Variants in SDK1 observed in about 807,000 individuals in gnomAD.
SDK1 encodes the protein protein sidekick-1.
In SDK1, 157 loss-of-function variants were observed where a neutral mutation model predicts 245.5. That is an observed-to-expected ratio of 0.64 (90% confidence interval 0.56 to 0.73). The LOEUF (loss-of-function observed/expected upper bound fraction) is 0.73, where lower values mean the gene tolerates loss of function less well. SDK1 is among the 30% of genes least tolerant of loss of function. The pLI, the probability that SDK1 is intolerant of heterozygous loss-of-function variation, is 0.00. For missense variants in SDK1, 3,583 were observed against 3,002.3 expected, an observed-to-expected ratio of 1.19 and a Z score of -4.52; for synonymous variants, 1,647 against 1,278.5, an observed-to-expected ratio of 1.29 and a Z score of -6.15.
rs540340724 is a variant in SDK1, at chr7:3,987,406, G to T, written c.2131+84G>T. ...TAATGTCCTTAACCTTTACTTCTGG[G>T]TCAGACCCAAAACAACTACTAAAAT... On this transcript the variant is annotated intron_variant, in intron 14 of 44. Transcript: ENST00000404826. 2.8e-6 allele frequency: 4 copies of T among 1,425,536 alleles called. No homozygotes were observed. In the South Asian group the frequency reaches 3.7e-5, roughly 13 times the overall value. 88.3% of individuals were successfully genotyped at this position (1,425,536 alleles called of 1,614,324 possible).
intron 21 of SDK1, among the ~76,000 whole-genome samples, chr7:4,077,872 G>C (rs1780796636): frequency 6.6e-6 from 1 of 152,192 alleles, no homozygotes; most frequent in Admixed American, 6.5e-5. Flanking sequence ...TGGGGACACA[G>C]CCAAACCATA....
chr7:3,574,657 A>G (rs1176222675), intron 1 of SDK1, among the ~76,000 whole-genome samples: 1 of 152,076 alleles, frequency 6.6e-6, no homozygotes, highest in Non-Finnish European at 1.5e-5. Context: ...CTCCACGCAT[A>G]CATTTTATGC....
At chr7:3,497,349 T>C (rs911862005) in intron 1 of SDK1, among the ~76,000 whole-genome samples, 2 of 152,206 alleles carry the variant, frequency 1.3e-5, no homozygotes, top group East Asian at 1.9e-4. Context: ...TTGTGGGAAA[T>C]GTCAAGCTAT....
chr7:4,215,813 G>C (rs1443229508), intron 38 of SDK1, among the ~76,000 whole-genome samples: 1 of 152,156 alleles, frequency 6.6e-6, no homozygotes, highest in Non-Finnish European at 1.5e-5. Flanking sequence ...TTGGGGTCCT[G>C]ACTATCGGCT....
intron 1 of SDK1, among the ~76,000 whole-genome samples, chr7:3,376,886 C>A (rs1010319078): frequency 6.6e-6 from 1 of 152,080 alleles, no homozygotes; most frequent in Non-Finnish European, 1.5e-5. Context: ...TCTATTGTCT[C>A]TCTTTCCAGT....
intron 4 of SDK1, chr7:3,643,315 C>A (rs1320295398): frequency 2.0e-5 from 3 of 151,692 alleles, no homozygotes; most frequent in African/African-American, 7.3e-5. Context: ...TCATCTCCCA[C>A]CCCTACCTGA....
At chr7:3,728,881 C>T (rs913039942) in intron 4 of SDK1, among the ~76,000 whole-genome samples, 14 of 152,054 alleles carry the variant, frequency 9.2e-5, no homozygotes, top group African/African-American at 3.1e-4. Flanking sequence ...GCTGTGGGTC[C>T]GTGAGCCACC....
At chr7:4,040,404 C>T (rs1240129818) in intron 17 of SDK1, among the ~76,000 whole-genome samples, 1 of 152,130 alleles carries the variant, frequency 6.6e-6, no homozygotes, top group Non-Finnish European at 1.5e-5. Context: ...ACACACAAGT[C>T]GAACCACATT....
chr7:3,328,446 T>C (rs1357339384), intron 1 of SDK1, among the ~76,000 whole-genome samples: 2 of 152,032 alleles, frequency 1.3e-5, no homozygotes, highest in African/African-American at 4.8e-5. Flanking sequence ...CTGGGTTGCT[T>C]GTATTAGTGT....
chr7:3,937,416 C>T (rs545653781), intron 5 of SDK1, among the ~76,000 whole-genome samples: 11 of 152,152 alleles, frequency 7.2e-5, no homozygotes, highest in African/African-American at 2.4e-5. Context: ...AAAGGCCATG[C>T]GGCAGAACCA....
chr7:3,890,756 A>G (rs1470443991), intron 5 of SDK1, among the ~76,000 whole-genome samples: 4 of 152,192 alleles, frequency 2.6e-5, no homozygotes, highest in Non-Finnish European at 5.9e-5. Context: ...AGCCTGGGCA[A>G]CATGGTGAAA....
intron 1 of SDK1, among the ~76,000 whole-genome samples, chr7:3,408,231 A>G (rs897224152): frequency 4.6e-5 from 7 of 151,552 alleles, no homozygotes; most frequent in African/African-American, 1.7e-4. Flanking sequence ...TTTAGTAGAG[A>G]TGGGGTTTCA....
At chr7:3,883,718 C>T (rs933960129) in intron 5 of SDK1, among the ~76,000 whole-genome samples, 1 of 146,632 alleles carries the variant, frequency 6.8e-6, no homozygotes, top group Non-Finnish European at 1.5e-5. Context: ...CCCTCCCTCC[C>T]ATTGTCTAGC....
At chr7:4,087,831 A>T (rs1242300506) in intron 22 of SDK1, among the ~76,000 whole-genome samples, 1 of 152,132 alleles carries the variant, frequency 6.6e-6, no homozygotes, top group South Asian at 2.1e-4. Context: ...CTGAATTTCC[A>T]TCTGGAGAAT....
chr7:3,684,266 C>G (rs1465827536), intron 4 of SDK1, among the ~76,000 whole-genome samples: 1 of 152,224 alleles, frequency 6.6e-6, no homozygotes, highest in African/African-American at 2.4e-5. Context: ...TCACCCCACA[C>G]ACCCTTTCAG....
chr7:3,587,944 A>G (rs1780744379), intron 1 of SDK1, among the ~76,000 whole-genome samples: 1 of 152,252 alleles, frequency 6.6e-6, no homozygotes, highest in African/African-American at 2.4e-5. Flanking sequence ...TGGATGGTTC[A>G]TTGATCCAAT....
At chr7:3,792,973 C>T (rs969787860) in intron 4 of SDK1, among the ~76,000 whole-genome samples, 1 of 152,146 alleles carries the variant, frequency 6.6e-6, no homozygotes, top group Non-Finnish European at 1.5e-5. Context: ...TAACTCAAGC[C>T]TTTCACATAA....
At chr7:3,576,462 C>A (rs1443583468) in intron 1 of SDK1, among the ~76,000 whole-genome samples, 1 of 152,012 alleles carries the variant, frequency 6.6e-6, no homozygotes, top group Non-Finnish European at 1.5e-5. Flanking sequence ...AAAGAAGTCC[C>A]CGTTTGCAGT....
At chr7:3,558,616 A>G (rs1307472281) in intron 1 of SDK1, among the ~76,000 whole-genome samples, 2 of 152,206 alleles carry the variant, frequency 1.3e-5, no homozygotes, top group Non-Finnish European at 2.9e-5. Flanking sequence ...GGGAGGGGGC[A>G]GAGGGGCAAT....
Sources: allele counts gnomAD v4.1 joint callset (sites outside exome capture counted in the v4.1 genomes callset), GRCh38; gene constraint gnomAD v4.1.1; transcripts MANE v1.5; gene names NCBI Gene and HGNC (gene_info 2026-07-23, HGNC 2026-07-21).